The following DOCK2 variants were observed in gnomAD, a reference collection of about 807,000 sequenced individuals.
DOCK2 encodes the protein dedicator of cytokinesis 2.
Under a neutral mutation model 248.9 loss-of-function variants are expected in DOCK2, and 87 were observed. The ratio of observed to expected loss-of-function variants is 0.35; its 90% confidence interval spans 0.29 to 0.42. The LOEUF is 0.42. Among genes scored for constraint, DOCK2 ranks in the 10% least tolerant of loss-of-function variants. DOCK2 has a pLI of 1.00. For synonymous variants in DOCK2, 805 were observed against 821.6 expected, an observed-to-expected ratio of 0.98 and a Z score of 0.35; for missense variants, 1,747 against 2,300.2, an observed-to-expected ratio of 0.76 and a Z score of 4.92.
chr5:169,686,008 T>G (rs1367091508), intron 8 of DOCK2, among the ~76,000 whole-genome samples: 3 of 152,228 alleles, frequency 2.0e-5, no homozygotes, highest in Admixed American at 6.5e-5. Context: ...ATTTTTATTA[T>G]GCACCAAAGT....
intron 27 of DOCK2, among the ~76,000 whole-genome samples, chr5:169,877,341 A>G (rs780613784): frequency 3.3e-5 from 5 of 152,228 alleles, no homozygotes; most frequent in Non-Finnish European, 7.3e-5. Context: ...AAGGGAAAAG[A>G]GACCTGTGTC....
intron 27 of DOCK2, among the ~76,000 whole-genome samples, chr5:169,896,711 T>G (rs1773630335): frequency 6.6e-6 from 1 of 152,212 alleles, no homozygotes; most frequent in South Asian, 2.1e-4. Flanking sequence ...TATCACTCAC[T>G]AGTCGCCACT....
Position 169,939,217 on chromosome 5 carries a change from T to A in DOCK2, c.2800-43851T>A, listed in dbSNP as rs1020275705. On this transcript the variant is annotated intron_variant, in intron 27 of 51. Coordinates refer to ENST00000520908, the MANE Select transcript of DOCK2 (RefSeq NM_004946.3). ...CTGTGCCCGGCCTTTTTTTTTTTTT[T>A]AAACTTTTTAAGCTCTTTTGTTAAA... 6.6e-5 allele frequency among the ~76,000 whole-genome samples: 10 copies of A among 151,166 alleles called. 1 individual carries two copies. Among genetic ancestry groups the A allele is most frequent in the South Asian group, 2.1e-4 (1 of 4,712 alleles).
intron 25 of DOCK2, among the ~76,000 whole-genome samples, chr5:169,793,799 ACAT>A (rs1191095840): frequency 6.6e-6 from 1 of 152,096 alleles, no homozygotes; most frequent in African/African-American, 2.4e-5. Context: ...ATTTGTGTCC[ACAT>A]CATTCCTCCA....
intron 1 of DOCK2, among the ~76,000 whole-genome samples, chr5:169,650,119 T>C (rs1247872901): frequency 6.6e-6 from 1 of 152,194 alleles, no homozygotes; most frequent in Admixed American, 6.5e-5. Flanking sequence ...TTTGTCTGTC[T>C]TATCTATCAC....
At chr5:169,762,512 A>G (rs1764547480) in intron 25 of DOCK2, among the ~76,000 whole-genome samples, 1 of 152,200 alleles carries the variant, frequency 6.6e-6, no homozygotes, top group Admixed American at 6.5e-5. Context: ...GGATGTCGAT[A>G]GCTCCATCAG....
chr5:169,726,797 A>C (rs370119765), intron 22 of DOCK2, among the ~76,000 whole-genome samples: 13 of 152,344 alleles, frequency 8.5e-5, no homozygotes, highest in African/African-American at 3.1e-4. Flanking sequence ...TCAGTGATGC[A>C]ATATCACAGT....
In DOCK2 at chr5:170,078,573, G is replaced by A. The variant is rs151213990; in HGVS notation, c.4995-402G>A. On this transcript the variant is annotated intron_variant, in intron 48 of 51. Transcript: ENST00000520908. ...CATGGCCACTCTGCAAGGTCTCTGC[G>A]AAGACCTCCATTTACTGAAAAGGAA... Among the ~76,000 whole-genome samples the A allele has an allele frequency of 1.5e-4, 23 of 152,278 alleles. No homozygotes were observed. In the South Asian group the frequency reaches 2.3e-3, roughly 15 times the overall value.
intron 15 of DOCK2, among the ~76,000 whole-genome samples, 175 bp from the exon 16 acceptor site, chr5:169,711,760 C>T (rs1292318074): frequency 6.6e-6 from 1 of 152,216 alleles, no homozygotes; most frequent in Non-Finnish European, 1.5e-5. Context: ...ATTTTCTCTT[C>T]ATAGCTAGTT....
At position 169,696,742 on chromosome 5, in the gene DOCK2, C is replaced by T. The variant is rs73798756; in HGVS notation, c.979+804C>T. Among the ~76,000 whole-genome samples the T allele has an allele frequency of 9.9e-3, 1,510 of 152,056 alleles. 28 individuals are homozygous for T. The highest frequency in any genetic ancestry group is 0.033 in the African/African-American group (1,386 of 41,466). ...ACTTCAAGATGCTCTGATCTGTAATCGCAGACCTGCTTACTCTCCAACTAG... is the reference window on the plus strand; with the variant it reads ...ACTTCAAGATGCTCTGATCTGTAATTGCAGACCTGCTTACTCTCCAACTAG... On this transcript the variant is annotated intron_variant, in intron 10 of 51. Transcript: ENST00000520908.
intron 27 of DOCK2, among the ~76,000 whole-genome samples, chr5:169,947,464 T>C (rs1230917905): frequency 6.6e-6 from 1 of 152,178 alleles, no homozygotes; most frequent in African/African-American, 2.4e-5. Flanking sequence ...GTTTTACAGA[T>C]GGTGAAAGCA....
rs201049574 is a variant in DOCK2, at chr5:169,813,462, A to AT, written c.2703+10263dup. 3.4e-3 allele frequency among the ~76,000 whole-genome samples: 511 copies of AT among 152,194 alleles called. 3 individuals carry two copies. The highest frequency in any genetic ancestry group is 0.012 in the African/African-American group (488 of 41,526). ...AAACGTTGCATATATCCAGGACTTT[A>AT]TTTTTTTCTTTCTGGAAAAACAATG... On this transcript the variant is annotated intron_variant, in intron 26 of 51. Coordinates refer to ENST00000520908, the MANE Select transcript of DOCK2 (RefSeq NM_004946.3).
chr5:170,058,371 C>T (rs769319325), intron 44 of DOCK2, among the ~76,000 whole-genome samples: 80 of 152,168 alleles, frequency 5.3e-4, no homozygotes, highest in Non-Finnish European at 9.7e-4. Flanking sequence ...ATGGAGCTTC[C>T]ATTCTAGTGG....
intron 33 of DOCK2, among the ~76,000 whole-genome samples, chr5:170,021,864 T>G (rs1755739829): frequency 1.3e-5 from 2 of 152,230 alleles, no homozygotes; most frequent in South Asian, 4.1e-4. Flanking sequence ...CCAAGCAGCC[T>G]TGATGGCCAG....
intron 27 of DOCK2, among the ~76,000 whole-genome samples, chr5:169,921,720 G>A (rs913978742): frequency 2.6e-5 from 4 of 152,196 alleles, no homozygotes; most frequent in African/African-American, 9.7e-5. Flanking sequence ...CATCCCAGGA[G>A]TACATTGAAA....
intron 33 of DOCK2, among the ~76,000 whole-genome samples, chr5:170,021,871 C>G (rs1441574959): frequency 1.3e-5 from 2 of 152,060 alleles, no homozygotes; most frequent in Admixed American, 1.3e-4. Context: ...GCCTTGATGG[C>G]CAGAACGAGA....
At chr5:169,811,436 G>A (rs1398483024) in intron 26 of DOCK2, among the ~76,000 whole-genome samples, 1 of 152,222 alleles carries the variant, frequency 6.6e-6, no homozygotes, top group Non-Finnish European at 1.5e-5. Context: ...AGGGAGACAA[G>A]GCTTGCTGAA....
chr5:170,067,780 C>T (rs1240602140), intron 45 of DOCK2, 94 bp downstream of exon 45: 1 of 1,390,472 alleles, frequency 7.2e-7, no homozygotes, highest in Non-Finnish European at 9.9e-7. Flanking sequence ...TGTCACTTAT[C>T]CTACTTTGAC....
At chr5:169,882,602 G>A (rs1561792227) in intron 27 of DOCK2, 1 of 1,551,572 alleles carries the variant, frequency 6.4e-7, no homozygotes, top group Non-Finnish European at 8.7e-7. Flanking sequence ...ACATTCAAAA[G>A]GACTTTAATT....
Sources: gnomAD v4.1 joint callset for allele counts (sites outside exome capture counted in the v4.1 genomes callset) on GRCh38, gnomAD v4.1.1 for gene constraint, MANE v1.5 for transcripts, NCBI Gene and HGNC (gene_info 2026-07-23, HGNC 2026-07-21) for gene names.